HDAC9: variants seen among roughly 807,000 people sequenced by gnomAD.
The protein encoded by HDAC9 is histone deacetylase 9.
HDAC9 carries 41 observed loss-of-function variants against 139.4 expected under a neutral mutation model. The observed-to-expected ratio is 0.29, with a 90% confidence interval of 0.23 to 0.38. The LOEUF (loss-of-function observed/expected upper bound fraction) is 0.38. Among genes scored for constraint, HDAC9 ranks in the 10% least tolerant of loss-of-function variants. The probability of loss-of-function intolerance (pLI) is 1.00; values close to 1 mark genes in which losing one functional copy is unlikely to be tolerated. For missense variants in HDAC9, 1,147 were observed against 1,297.0 expected (o/e 0.88, Z 1.78); for synonymous variants, 517 against 476.2 (o/e 1.09, Z -1.12).
chr7:18,764,471 A>T (rs534579632), intron 15 of HDAC9, among the ~76,000 whole-genome samples: 1 of 152,118 alleles, frequency 6.6e-6, no homozygotes, highest in Non-Finnish European at 1.5e-5. Flanking sequence ...CAACACTTCA[A>T]AACTACTTCT....
At chr7:18,669,927 T>C (rs192220132) in intron 12 of HDAC9, among the ~76,000 whole-genome samples, 2 of 151,882 alleles carry the variant, frequency 1.3e-5, no homozygotes, top group African/African-American at 4.8e-5. Context: ...AGAAAGATAG[T>C]CTTCTAGAAA....
chr7:18,917,663 C>T (rs1025210370), intron 22 of HDAC9, among the ~76,000 whole-genome samples: 3 of 152,056 alleles, frequency 2.0e-5, no homozygotes, highest in Non-Finnish European at 4.4e-5. Context: ...TTACTGTGTC[C>T]TTTCATTGGA....
At chr7:18,619,827 C>A in intron 6 of HDAC9, among the ~76,000 whole-genome samples, 1 of 152,254 alleles carries the variant, frequency 6.6e-6, no homozygotes, top group South Asian at 2.1e-4. Context: ...GGGCTCTGTG[C>A]CCTTGGACGT....
At chr7:18,513,764 C>T (rs1237094887) in intron 2 of HDAC9, among the ~76,000 whole-genome samples, 1 of 152,146 alleles carries the variant, frequency 6.6e-6, no homozygotes, top group African/African-American at 2.4e-5. Context: ...AGGTCCCTGC[C>T]ATCCTTAAAA....
intron 6 of HDAC9, among the ~76,000 whole-genome samples, chr7:18,598,324 G>A (rs1562516412): frequency 1.3e-5 from 2 of 152,036 alleles, no homozygotes; most frequent in Non-Finnish European, 2.9e-5. Flanking sequence ...CTCTATCTTG[G>A]TTACATTGTT....
intron 12 of HDAC9, among the ~76,000 whole-genome samples, chr7:18,722,934 C>T (rs1007136032): frequency 5.9e-5 from 9 of 152,014 alleles, no homozygotes; most frequent in Non-Finnish European, 1.3e-4. Flanking sequence ...TAACATTTAC[C>T]ATTTTTTTTA....
intron 2 of HDAC9, among the ~76,000 whole-genome samples, chr7:18,283,155 G>A (rs1285820604): frequency 6.6e-6 from 1 of 152,038 alleles, no homozygotes; most frequent in Non-Finnish European, 1.5e-5. Context: ...CATTCTGAAG[G>A]CTCAACAGGA....
intron 1 of HDAC9, among the ~76,000 whole-genome samples, chr7:18,314,528 T>C (rs957649674): frequency 6.6e-6 from 1 of 152,224 alleles, no homozygotes; most frequent in African/African-American, 2.4e-5. Flanking sequence ...TTTCCTTTTA[T>C]CTCTGTTGGT....
rs780475472 is a variant in HDAC9, at chr7:18,865,074, A to C, written c.2685-9404A>C. On this transcript the variant is annotated intron_variant, in intron 21 of 25. Transcript: ENST00000686413. ...ACAAACAAAACAACAACAACAACAA[A>C]ATTTGCTTCCACCAGAAGAGAAATG... Among the ~76,000 whole-genome samples, 3 of 152,126 alleles carry C rather than the reference A, an allele frequency of 2.0e-5. 1 individual carries two copies. The highest frequency in any genetic ancestry group is 4.4e-5 in the Non-Finnish European group (3 of 68,018).
intron 2 of HDAC9, among the ~76,000 whole-genome samples, chr7:18,574,666 C>G: frequency 6.6e-6 from 1 of 152,220 alleles, no homozygotes; most frequent in South Asian, 2.1e-4. Context: ...CCTCAATCTC[C>G]CACTCATGCT....
At chr7:18,650,569 G>T (rs1788922685) in intron 11 of HDAC9, among the ~76,000 whole-genome samples, 2 of 152,104 alleles carry the variant, frequency 1.3e-5, no homozygotes, top group South Asian at 4.1e-4. Context: ...GATTTTGACA[G>T]GCGAATGCTA....
chr7:18,282,017 G>T (rs1463096629), intron 2 of HDAC9, among the ~76,000 whole-genome samples: 3 of 152,042 alleles, frequency 2.0e-5, no homozygotes, highest in Non-Finnish European at 2.9e-5. Context: ...ATCTTAAAAG[G>T]ATTTTTAAAA....
At chr7:18,720,252 G>A (rs1487719423) in intron 12 of HDAC9, among the ~76,000 whole-genome samples, 2 of 151,818 alleles carry the variant, frequency 1.3e-5, no homozygotes, top group Admixed American at 1.3e-4. Context: ...TTCTGCACCT[G>A]AACAAACTGG....
chr7:18,570,358 T>G (rs533728079), intron 2 of HDAC9, among the ~76,000 whole-genome samples: 1 of 152,284 alleles, frequency 6.6e-6, no homozygotes, highest in Non-Finnish European at 1.5e-5. Flanking sequence ...AATACACAAG[T>G]GTGTCAAAAT....
intron 1 of HDAC9, among the ~76,000 whole-genome samples, chr7:18,140,573 A>C (rs371076164): frequency 3.3e-5 from 5 of 152,194 alleles, no homozygotes; most frequent in Admixed American, 3.3e-4. Flanking sequence ...TGCTTAGGCT[A>C]TTGATTAGTG....
intron 12 of HDAC9, chr7:18,667,827 T>C: frequency 1.0e-6 from 1 of 984,222 alleles, no homozygotes; most frequent in Non-Finnish European, 1.2e-6. Flanking sequence ...CTGGAACATT[T>C]CCTTCATATT....
At chr7:18,609,597 A>G (rs1836515026) in intron 6 of HDAC9, among the ~76,000 whole-genome samples, 1 of 152,134 alleles carries the variant, frequency 6.6e-6, no homozygotes, top group South Asian at 2.1e-4. Flanking sequence ...TCTAAACAGA[A>G]TTATATTTTC....
At chr7:18,399,790 A>G (rs1294391412) in intron 1 of HDAC9, among the ~76,000 whole-genome samples, 2 of 152,216 alleles carry the variant, frequency 1.3e-5, no homozygotes, top group Non-Finnish European at 2.9e-5. Context: ...TTCACAGGCC[A>G]CATTCCAGGA....
intron 6 of HDAC9, among the ~76,000 whole-genome samples, chr7:18,617,425 C>A (rs1312618091): frequency 1.3e-5 from 2 of 152,194 alleles, no homozygotes; most frequent in African/African-American, 4.8e-5. Context: ...ACAAATCTTT[C>A]TGTTTCCCAT....
Sources: gnomAD v4.1 joint callset for allele counts (sites outside exome capture counted in the v4.1 genomes callset) on GRCh38, gnomAD v4.1.1 for gene constraint, MANE v1.5 for transcripts, NCBI Gene and HGNC (gene_info 2026-07-23, HGNC 2026-07-21) for gene names.